Variants in BEND7 observed in about 807,000 individuals in gnomAD.
BEND7 encodes the protein BEN domain containing 7.
In BEND7, 28 loss-of-function variants were observed where a neutral mutation model predicts 50.9. The observed-to-expected ratio is 0.55, with a 90% CI of 0.41 to 0.75. The LOEUF is 0.75. BEND7 is among the 30% of genes least tolerant of loss of function. BEND7 has a pLI of 0.00. For missense variants in BEND7, 477 were observed against 491.3 expected, an observed-to-expected ratio of 0.97 and a Z score of 0.28; for synonymous variants, 170 against 183.9, an observed-to-expected ratio of 0.92 and a Z score of 0.61.
intron 3 of BEND7, among the ~76,000 whole-genome samples, chr10:13,498,071 CTTT>C (rs67255529): frequency 8.2e-5 from 9 of 109,842 alleles, no homozygotes; most frequent in African/African-American, 2.0e-4. Flanking sequence ...ATTTCTTTTT[CTTT>C]TTTTTTTTTT....
chr10:13,523,543 T>C (rs768552463), intron 2 of BEND7, among the ~76,000 whole-genome samples: 21 of 152,240 alleles, frequency 1.4e-4, no homozygotes, highest in Non-Finnish European at 2.6e-4. Flanking sequence ...AGACCATCCC[T>C]GGGACAGTGT....
At chr10:13,457,664 C>G (rs1839281666) in intron 6 of BEND7, among the ~76,000 whole-genome samples, 2 of 152,262 alleles carry the variant, frequency 1.3e-5, no homozygotes, top group South Asian at 4.2e-4. Context: ...AGGACAAGGC[C>G]AAAAGACTGT....
chr10:13,440,360 C>G (rs1371378622), downstream of BEND7, among the ~76,000 whole-genome samples: 1 of 152,224 alleles, frequency 6.6e-6, no homozygotes, highest in Non-Finnish European at 1.5e-5. Context: ...TTCAGAGCAG[C>G]GCGGACACCT....
intron 2 of BEND7, chr10:13,500,956 T>A: frequency 4.7e-6 from 2 of 427,032 alleles, no homozygotes; most frequent in South Asian, 9.7e-5. Flanking sequence ...CCACTTCACC[T>A]ACACTGACTT....
chr10:13,439,831 T>C (rs920819025), downstream of BEND7, among the ~76,000 whole-genome samples: 2 of 152,244 alleles, frequency 1.3e-5, no homozygotes, highest in African/African-American at 4.8e-5. Context: ...TCCCTTCAGA[T>C]GCTCCGCGGC....
intron 6 of BEND7, among the ~76,000 whole-genome samples, chr10:13,468,283 G>A (rs1196604368): frequency 6.6e-6 from 1 of 152,162 alleles, no homozygotes; most frequent in Non-Finnish European, 1.5e-5. Flanking sequence ...ATGGTACAGG[G>A]GATGAGACTT....
chr10:13,448,097 C>T (rs1836822772), intron 7 of BEND7, among the ~76,000 whole-genome samples: 1 of 152,190 alleles, frequency 6.6e-6, no homozygotes, highest in Admixed American at 6.5e-5. Flanking sequence ...GGCGTTGCTT[C>T]AAAAGATTCT....
At chr10:13,453,558 A>C (rs1838272042) in intron 6 of BEND7, among the ~76,000 whole-genome samples, 2 of 152,248 alleles carry the variant, frequency 1.3e-5, no homozygotes, top group Admixed American at 1.3e-4. Context: ...TTTCATCAGA[A>C]TGAGAAAAGC....
At chr10:13,457,294 C>A (rs1253824961) in intron 6 of BEND7, among the ~76,000 whole-genome samples, 1 of 152,190 alleles carries the variant, frequency 6.6e-6, no homozygotes, top group Non-Finnish European at 1.5e-5. Flanking sequence ...CTCTCTGCTC[C>A]CATGTCATGA....
chr10:13,470,378 G>A (rs937652096), intron 6 of BEND7, among the ~76,000 whole-genome samples: 29 of 152,228 alleles, frequency 1.9e-4, no homozygotes, highest in Admixed American at 1.4e-3. Context: ...TAGTGGCCCT[G>A]TTTATGCTCC....
In BEND7 at chr10:13,488,682, T is replaced by C. The variant is rs557024005; in HGVS notation, c.837+3929A>G. On this transcript the variant is annotated intron_variant, in intron 5 of 8. Transcript: ENST00000466271. ...TTTTTTATTTTCAGTAGAGACGGGG[T>C]TTCACCATGTTGGCCAGGACTGTCT... is the stretch of plus-strand genomic sequence containing the variant. 2.6e-4 allele frequency among the ~76,000 whole-genome samples: 39 copies of C among 152,100 alleles called. 3 individuals are homozygous for C. In the South Asian group the frequency reaches 8.1e-3, roughly 32 times the overall value.
At chr10:13,496,928 C>CAA (rs5783327) in intron 3 of BEND7, 40 bp from the exon 4 acceptor site, 269,854 of 1,088,144 alleles carry the variant, frequency 0.25, 8,743 homozygotes, top group East Asian at 0.4. Context: ...CCAAACAAAC[C>CAA]AAAAAAAAAA....
chr10:13,488,746 C>A (rs954525821), intron 5 of BEND7, among the ~76,000 whole-genome samples: 2 of 152,220 alleles, frequency 1.3e-5, no homozygotes, highest in South Asian at 4.1e-4. Flanking sequence ...CTTGGCCTCC[C>A]AAAGTGCTGG....
intron 5 of BEND7, among the ~76,000 whole-genome samples, chr10:13,486,429 G>A (rs551472282): frequency 2.4e-4 from 37 of 152,330 alleles, no homozygotes; most frequent in Middle Eastern, 6.8e-3. Context: ...TTCCTGTTGA[G>A]CAGCTCAGAA....
chr10:13,516,165 C>CAAA (rs1377924843), intron 2 of BEND7, among the ~76,000 whole-genome samples: 6 of 152,230 alleles, frequency 3.9e-5, no homozygotes, highest in Non-Finnish European at 8.8e-5. Context: ...ATTGGACACT[C>CAAA]AGAGTCTTGC....
At chr10:13,466,358 G>A (rs958550940) in intron 6 of BEND7, among the ~76,000 whole-genome samples, 3 of 151,906 alleles carry the variant, frequency 2.0e-5, no homozygotes, top group African/African-American at 4.8e-5. Context: ...TTAGGAGTTT[G>A]AGACCAGCCT....
rs752637128 is a variant in BEND7, at chr10:13,452,636, T to C, written c.1086A>G (p.Thr362=). Residue 362 remains threonine, a synonymous_variant, in exon 7 of 9, where the codon ACA becomes ACG. Transcript: ENST00000466271. ...CAGGAAGCTTATCCACATGGTTAGC[T>C]GTACAGTACTTTTCTGTGAAGACTG... ...AIKVFTEKYC[T]ANHVDKLPGP... is the part of the protein sequence containing the mutation. 4 of 1,607,276 alleles carry C rather than the reference T, an allele frequency of 2.5e-6. No individual in the cohort carries two copies. The highest frequency in any genetic ancestry group is 2.5e-6 in the Non-Finnish European group (3 of 1,177,022).
chr10:13,471,368 C>T (rs77840403), intron 6 of BEND7, among the ~76,000 whole-genome samples: 2,036 of 152,304 alleles, frequency 0.013, 49 homozygotes, highest in African/African-American at 0.046. Context: ...TGAAAAGCAG[C>T]AAAGATCATG....
chr10:13,506,653 A>T (rs2077915536), intron 2 of BEND7, among the ~76,000 whole-genome samples: 1 of 152,224 alleles, frequency 6.6e-6, no homozygotes, highest in Non-Finnish European at 1.5e-5. Flanking sequence ...TGGCAAAATT[A>T]TGGTGAAACC....
Sources: gnomAD v4.1 joint callset for allele counts (sites outside exome capture counted in the v4.1 genomes callset) on GRCh38, gnomAD v4.1.1 for gene constraint, MANE v1.5 for transcripts, NCBI Gene and HGNC (gene_info 2026-07-23, HGNC 2026-07-21) for gene names.